Variants in EPHA6 observed in about 807,000 individuals in gnomAD.
EPHA6 encodes the protein ephrin type-A receptor 6.
EPHA6 carries 50 observed loss-of-function variants against 112.0 expected under a neutral mutation model. That is an observed-to-expected ratio of 0.45 (90% CI 0.36 to 0.56). The LOEUF is 0.56. Among genes scored for constraint, EPHA6 ranks in the 20% least tolerant of loss-of-function variants. EPHA6 has a pLI of 0.00. For synonymous variants in EPHA6, 529 were observed against 490.7 expected, an observed-to-expected ratio of 1.08 and a Z score of -1.03; for missense variants, 1,280 against 1,417.4, an observed-to-expected ratio of 0.90 and a Z score of 1.56.
chr3:97,293,419 C>A (rs2080764104), intron 5 of EPHA6, among the ~76,000 whole-genome samples: 2 of 152,082 alleles, frequency 1.3e-5, no homozygotes, highest in Non-Finnish European at 2.9e-5. Context: ...TAGCTCCTTT[C>A]TGTTGGCAGG....
At chr3:97,519,837 G>A (rs1480100045) in intron 10 of EPHA6, among the ~76,000 whole-genome samples, 5 of 151,472 alleles carry the variant, frequency 3.3e-5, no homozygotes, top group African/African-American at 1.2e-4. Flanking sequence ...TTTGTATCCT[G>A]TAATTTTATT....
intron 10 of EPHA6, among the ~76,000 whole-genome samples, chr3:97,511,443 C>T (rs919525470): frequency 2.0e-5 from 3 of 152,112 alleles, no homozygotes; most frequent in Admixed American, 6.5e-5. Context: ...GGGGGTTCCT[C>T]GACCCCTTGC....
rs114888665 is a variant in EPHA6 at position 97,280,846 on chromosome 3, A to G, written c.1606+36559A>G. Among the ~76,000 whole-genome samples the G allele has an allele frequency of 2.6e-3, 395 of 152,320 alleles. 1 individual carries two copies. The highest frequency in any genetic ancestry group is 4.6e-3 in the Non-Finnish European group (310 of 68,032). On this transcript the variant is annotated intron_variant, in intron 5 of 17. Coordinates refer to ENST00000389672, the MANE Select transcript of EPHA6 (RefSeq NM_001080448.3). ...AATCTCTATTACCCTTTAATGTGTAACTATGAGCATATTAAACATGTCCCA... is the reference window on the plus strand; with the variant it reads ...AATCTCTATTACCCTTTAATGTGTAGCTATGAGCATATTAAACATGTCCCA...
At chr3:97,238,525 C>A (rs1449910899) in intron 4 of EPHA6, among the ~76,000 whole-genome samples, 2 of 151,872 alleles carry the variant, frequency 1.3e-5, no homozygotes, top group East Asian at 3.9e-4. Flanking sequence ...GTAATATGTG[C>A]ATTATTTGCT....
intron 10 of EPHA6, among the ~76,000 whole-genome samples, chr3:97,487,962 G>A (rs763431566): frequency 1.3e-5 from 2 of 152,136 alleles, no homozygotes; most frequent in Non-Finnish European, 2.9e-5. Flanking sequence ...ATGAGAAAAC[G>A]GTAAACAATT....
intron 6 of EPHA6, among the ~76,000 whole-genome samples, chr3:97,448,068 G>A (rs1454208909): frequency 6.6e-6 from 1 of 152,084 alleles, no homozygotes; most frequent in African/African-American, 2.4e-5. Flanking sequence ...AATGACTTCA[G>A]GATAAAAGAT....
chr3:97,688,704 C>A (rs2032436434), intron 14 of EPHA6, among the ~76,000 whole-genome samples: 1 of 150,930 alleles, frequency 6.6e-6, no homozygotes. Context: ...GCACATGTAC[C>A]CTAGAACTTA....
chr3:97,271,583 C>A (rs146616428), intron 5 of EPHA6, among the ~76,000 whole-genome samples: 8 of 152,296 alleles, frequency 5.3e-5, no homozygotes, highest in African/African-American at 1.4e-4. Context: ...GTCTTGAACC[C>A]CTGACCTCAG....
chr3:97,722,279 T>C (rs959177032), intron 15 of EPHA6, among the ~76,000 whole-genome samples: 14 of 152,306 alleles, frequency 9.2e-5, no homozygotes, highest in African/African-American at 2.6e-4. Context: ...TACTAATATA[T>C]TCATTTAAAA....
chr3:97,429,824 G>A (rs776030613), intron 6 of EPHA6, among the ~76,000 whole-genome samples: 2 of 152,172 alleles, frequency 1.3e-5, no homozygotes, highest in Non-Finnish European at 2.9e-5. Context: ...ATTTTCATGT[G>A]TTTGCAGACT....
At chr3:97,566,890 G>C (rs1316905992) in intron 11 of EPHA6, among the ~76,000 whole-genome samples, 3 of 152,160 alleles carry the variant, frequency 2.0e-5, no homozygotes, top group Admixed American at 6.5e-5. Context: ...GGAAGTCCTA[G>C]AATTGAACCT....
At chr3:97,255,474 C>T (rs1020855750) in intron 5 of EPHA6, among the ~76,000 whole-genome samples, 7 of 152,204 alleles carry the variant, frequency 4.6e-5, no homozygotes, top group African/African-American at 1.7e-4. Context: ...TTAACATTTG[C>T]CACTCAAACC....
intron 5 of EPHA6, among the ~76,000 whole-genome samples, chr3:97,377,891 A>G (rs1363069545): frequency 6.6e-6 from 1 of 152,178 alleles, no homozygotes; most frequent in Admixed American, 6.5e-5. Context: ...AAGAGAGCAT[A>G]AAAGTTTGGA....
At chr3:97,428,737 T>C (rs879500294) in intron 6 of EPHA6, among the ~76,000 whole-genome samples, 4 of 152,006 alleles carry the variant, frequency 2.6e-5, no homozygotes, top group Non-Finnish European at 5.9e-5. Flanking sequence ...CTTCAAGGAT[T>C]ACCTGAAGGT....
At chr3:96,840,533 CA>C (rs2034680317) in intron 1 of EPHA6, among the ~76,000 whole-genome samples, 2 of 152,002 alleles carry the variant, frequency 1.3e-5, no homozygotes, top group African/African-American at 4.8e-5. Context: ...AGAGTGATAG[CA>C]GCAGTTTTAG....
intron 3 of EPHA6, among the ~76,000 whole-genome samples, chr3:97,117,957 G>T (rs2047939501): frequency 1.3e-5 from 2 of 151,566 alleles, no homozygotes; most frequent in Non-Finnish European, 3.0e-5. Flanking sequence ...TTAGTGTTTG[G>T]CACAGTGTAA....
intron 3 of EPHA6, among the ~76,000 whole-genome samples, chr3:97,109,546 G>T (rs944671065): frequency 1.6e-4 from 25 of 152,116 alleles, no homozygotes; most frequent in African/African-American, 6.0e-4. Flanking sequence ...ACTGTTGCTT[G>T]GAGTGAAAAG....
chr3:97,304,749 A>G (rs2082573650), intron 5 of EPHA6, among the ~76,000 whole-genome samples: 1 of 152,110 alleles, frequency 6.6e-6, no homozygotes, highest in African/African-American at 2.4e-5. Context: ...TTAACTCAAG[A>G]TGGATTACAG....
intron 3 of EPHA6, among the ~76,000 whole-genome samples, chr3:97,168,296 G>T (rs1014240950): frequency 6.6e-6 from 1 of 152,156 alleles, no homozygotes; most frequent in African/African-American, 2.4e-5. Flanking sequence ...ACTTTGATAT[G>T]GTTTGGCTCT....
Sources: gnomAD v4.1 joint callset for allele counts (sites outside exome capture counted in the v4.1 genomes callset) on GRCh38, gnomAD v4.1.1 for gene constraint, MANE v1.5 for transcripts, NCBI Gene and HGNC (gene_info 2026-07-23, HGNC 2026-07-21) for gene names.